Variants in LCORL observed in about 807,000 individuals in gnomAD.
LCORL encodes the protein ligand dependent nuclear receptor corepressor like, also known as ligand-dependent nuclear receptor corepressor-like protein.
A neutral mutation model predicts 141.8 loss-of-function variants in LCORL; 41 were observed. The observed-to-expected ratio is 0.29, with a 90% confidence interval of 0.23 to 0.38. The LOEUF (loss-of-function observed/expected upper bound fraction) is 0.38, where lower values mean the gene tolerates loss of function less well. LCORL is among the 10% of genes least tolerant of loss of function. The pLI is 1.00. For synonymous variants in LCORL, 618 were observed against 694.1 expected, an observed-to-expected ratio of 0.89 and a Z score of 1.72; for missense variants, 1,759 against 2,035.0, an observed-to-expected ratio of 0.86 and a Z score of 2.61.
At chr4:17,948,174 A>T (rs976923996) in intron 4 of LCORL, among the ~76,000 whole-genome samples, 13 of 152,152 alleles carry the variant, frequency 8.5e-5, no homozygotes, top group Admixed American at 2.0e-4. Context: ...ATAAAAAAAT[A>T]GTATTTTAAG....
At chr4:17,992,758 A>T (rs1054971820) in intron 1 of LCORL, among the ~76,000 whole-genome samples, 3 of 152,242 alleles carry the variant, frequency 2.0e-5, no homozygotes, top group Admixed American at 1.3e-4. Context: ...TACTCAGACG[A>T]TAAATCCATT....
At chr4:17,993,051 G>A (rs1048426232) in intron 1 of LCORL, among the ~76,000 whole-genome samples, 4 of 152,226 alleles carry the variant, frequency 2.6e-5, no homozygotes, top group South Asian at 2.1e-4. Flanking sequence ...CACATTACAC[G>A]TTTAGAAAAG....
rs1727045136 is a variant in LCORL, at chr4:17,877,484, A to G, written c.1506T>C (p.Ser502=). 5 of 1,229,774 alleles carry G rather than the reference A, an allele frequency of 4.1e-6. No individual in the cohort carries two copies. The South Asian group carries it at 2.1e-4, about 51-fold the overall frequency. 76.2% of individuals were successfully genotyped at this position (1,229,774 alleles called of 1,614,324 possible). ...CATTTGAGAGTAAAGAATAAGAGTT[A>G]CTGGATTTTTTAGTTTTAAGTATTT... Residue 502 remains serine, a synonymous_variant, in exon 7 of 8, where the codon AGT becomes AGC. Coordinates refer to ENST00000635767, the Ensembl canonical transcript of LCORL.
chr4:17,852,103 A>C (rs16895884), intron 7 of LCORL, among the ~76,000 whole-genome samples: 18,596 of 152,188 alleles, frequency 0.12, 1,248 homozygotes, highest in South Asian at 0.24. Context: ...TCTCAGGAAT[A>C]CATTCTAAAT....
At chr4:17,859,040 T>C (rs1724688408) in intron 7 of LCORL, among the ~76,000 whole-genome samples, 1 of 152,200 alleles carries the variant, frequency 6.6e-6, no homozygotes, top group African/African-American at 2.4e-5. Context: ...ATGATTTAAC[T>C]TAGAGTTTTT....
chr4:17,874,322 A>T, exon 7 of LCORL: 1 of 1,233,944 alleles, frequency 8.1e-7, no homozygotes, highest in Non-Finnish European at 1.0e-6. Context: ...CAAATTTTTT[A>T]AAGTGCTTTC....
chr4:17,943,873 C>T (rs1453753791), intron 4 of LCORL, among the ~76,000 whole-genome samples: 2 of 152,146 alleles, frequency 1.3e-5, no homozygotes, highest in Non-Finnish European at 2.9e-5. Flanking sequence ...CAAAAGAAAA[C>T]TTGCCAGACC....
At chr4:17,877,125 A>G (rs962997135) in exon 7 of LCORL, 52 of 1,230,918 alleles carry the variant, frequency 4.2e-5, no homozygotes, top group Middle Eastern at 6.2e-4. Flanking sequence ...CCTTCTAAAC[A>G]TGGGTGAATC....
At chr4:17,865,246 G>A (rs932355164) in intron 7 of LCORL, among the ~76,000 whole-genome samples, 11 of 151,932 alleles carry the variant, frequency 7.2e-5, no homozygotes, top group East Asian at 1.9e-4. Context: ...ATAGATTCTC[G>A]GCCATATAAA....
rs1374815646 is a variant in LCORL at position 17,998,985 on chromosome 4, A to AAAAAAT, written c.154+22612_154+22613insATTTTT. 2.6e-3 allele frequency among the ~76,000 whole-genome samples: 153 copies of AAAAAAT among 57,874 alleles called. 3 individuals carry two copies. The highest frequency in any genetic ancestry group is 0.016 in the Middle Eastern group (1 of 64). 38.0% of individuals were successfully genotyped at this position (57,874 alleles called of 152,430 possible). ...GTCTCAAAAAAAAAAAAAAAAAAAAAATATATATATATATATATACACACA... is the reference window on the plus strand; with the variant it reads ...GTCTCAAAAAAAAAAAAAAAAAAAAAAAAAATATATATATATATATATATACACACA... On this transcript the variant is annotated intron_variant, in intron 1 of 7. Transcript: ENST00000635767.
chr4:18,007,490 A>T (rs1723007144), intron 1 of LCORL, among the ~76,000 whole-genome samples: 1 of 152,184 alleles, frequency 6.6e-6, no homozygotes, highest in South Asian at 2.1e-4. Flanking sequence ...TTAATACTGT[A>T]TATGCTTCTA....
chr4:17,855,237 A>G (rs1267453425), intron 7 of LCORL, among the ~76,000 whole-genome samples: 1 of 152,194 alleles, frequency 6.6e-6, no homozygotes, highest in Non-Finnish European at 1.5e-5. Context: ...TAAGAACAAA[A>G]AAAGACTCCC....
intron 1 of LCORL, among the ~76,000 whole-genome samples, chr4:17,981,119 A>G (rs1036825569): frequency 1.3e-5 from 2 of 152,210 alleles, no homozygotes; most frequent in African/African-American, 4.8e-5. Flanking sequence ...TGAAAGCTAT[A>G]TAACTTTTTT....
chr4:17,885,762 C>T (rs914448898), intron 6 of LCORL, among the ~76,000 whole-genome samples: 5 of 151,842 alleles, frequency 3.3e-5, no homozygotes, highest in South Asian at 2.1e-4. Flanking sequence ...CTTAAAATTG[C>T]GTCCTGAGTA....
chr4:17,883,410 C>T (rs941199749), intron 6 of LCORL: 19 of 1,087,138 alleles, frequency 1.7e-5, no homozygotes, highest in African/African-American at 9.9e-5. Context: ...TTTCCCACAA[C>T]GCTTTATGCT....
chr4:18,009,764 C>A (rs118076066), intron 1 of LCORL, among the ~76,000 whole-genome samples: 1 of 152,088 alleles, frequency 6.6e-6, no homozygotes, highest in East Asian at 2.0e-4. Flanking sequence ...TACCATATCA[C>A]CCTGCTTGGG....
intron 5 of LCORL, among the ~76,000 whole-genome samples, chr4:17,901,443 A>C (rs909967515): frequency 1.6e-4 from 25 of 152,222 alleles, no homozygotes; most frequent in South Asian, 6.2e-4. Context: ...TTATTTAAGG[A>C]ATGTCTGATC....
intron 1 of LCORL, among the ~76,000 whole-genome samples, chr4:18,008,923 C>G (rs987102182): frequency 1.3e-5 from 2 of 152,132 alleles, no homozygotes; most frequent in African/African-American, 2.4e-5. Flanking sequence ...AGACCTTTAT[C>G]TTCCCAACCA....
At chr4:18,009,793 G>A (rs931889081) in intron 1 of LCORL, among the ~76,000 whole-genome samples, 1 of 151,488 alleles carries the variant, frequency 6.6e-6, no homozygotes, top group African/African-American at 2.4e-5. Context: ...CCCTGCCTTA[G>A]CATGCCTTCC....
Sources: allele counts gnomAD v4.1 joint callset (sites outside exome capture counted in the v4.1 genomes callset), GRCh38; gene constraint gnomAD v4.1.1; transcripts MANE v1.5; gene names NCBI Gene and HGNC (gene_info 2026-07-23, HGNC 2026-07-21).